DLC1: variants seen among roughly 807,000 people sequenced by gnomAD.
The protein encoded by DLC1 is DLC1 Rho GTPase activating protein.
Under a neutral mutation model 140.3 loss-of-function variants are expected in DLC1, and 54 were observed. The observed-to-expected ratio is 0.38, with a 90% CI of 0.31 to 0.48. The LOEUF (loss-of-function observed/expected upper bound fraction) is 0.48, where lower values mean the gene tolerates loss of function less well. DLC1 is among the 20% of genes least tolerant of loss of function. DLC1 has a pLI of 0.96. For missense variants in DLC1, 2,536 were observed against 1,907.0 expected, an observed-to-expected ratio of 1.33 and a Z score of -6.14; for synonymous variants, 986 against 728.1, an observed-to-expected ratio of 1.35 and a Z score of -5.70.
At chr8:13,489,166 C>T (rs1563391298) in intron 2 of DLC1, among the ~76,000 whole-genome samples, 2 of 151,936 alleles carry the variant, frequency 1.3e-5, no homozygotes, top group South Asian at 2.1e-4. Flanking sequence ...AGACCGGTGT[C>T]GAACTCCTGA....
At chr8:13,196,175 TA>T (rs1827043052) in intron 5 of DLC1, among the ~76,000 whole-genome samples, 1 of 151,836 alleles carries the variant, frequency 6.6e-6, no homozygotes, top group Non-Finnish European at 1.5e-5. Context: ...TATCTCTGAT[TA>T]GGGGAAGGAG....
chr8:13,305,189 A>G (rs1348239484), intron 5 of DLC1, 80 bp downstream of exon 5: 12 of 1,556,704 alleles, frequency 7.7e-6, no homozygotes, highest in Non-Finnish European at 1.0e-5. Context: ...CATTTTATAT[A>G]TTTAATAAAA....
chr8:13,137,347 G>A (rs1170121562), intron 5 of DLC1, among the ~76,000 whole-genome samples: 1 of 152,104 alleles, frequency 6.6e-6, no homozygotes, highest in African/African-American at 2.4e-5. Flanking sequence ...GTGAGATTTT[G>A]GTTTGAGATG....
intron 5 of DLC1, among the ~76,000 whole-genome samples, chr8:13,254,709 A>G (rs933764974): frequency 3.3e-5 from 5 of 151,852 alleles, no homozygotes; most frequent in African/African-American, 4.8e-5. Flanking sequence ...TAAAAAAAGG[A>G]TATCTGAGAG....
intron 4 of DLC1, among the ~76,000 whole-genome samples, chr8:13,379,346 C>G (rs1247069924): frequency 2.6e-5 from 4 of 152,060 alleles, no homozygotes; most frequent in Non-Finnish European, 4.4e-5. Flanking sequence ...CCAATGAATC[C>G]ATTGTAAGTT....
chr8:13,451,624 C>G (rs1253675170), intron 2 of DLC1, among the ~76,000 whole-genome samples: 1 of 152,126 alleles, frequency 6.6e-6, no homozygotes, highest in African/African-American at 2.4e-5. Context: ...TAATGCTTGT[C>G]TTTCTGTGCC....
intron 5 of DLC1, among the ~76,000 whole-genome samples, chr8:13,285,615 C>T (rs1405038144): frequency 1.3e-5 from 2 of 152,026 alleles, no homozygotes; most frequent in Admixed American, 6.6e-5. Flanking sequence ...TATGGAGATA[C>T]CATCACATAC....
At chr8:13,474,496 A>T (rs1337925228) in intron 2 of DLC1, among the ~76,000 whole-genome samples, 4 of 152,164 alleles carry the variant, frequency 2.6e-5, no homozygotes, top group African/African-American at 9.7e-5. Flanking sequence ...GAGCTGTGAG[A>T]AAAGGGCCAC....
At chr8:13,266,655 G>A (rs1830699258) in intron 5 of DLC1, among the ~76,000 whole-genome samples, 1 of 152,124 alleles carries the variant, frequency 6.6e-6, no homozygotes, top group Non-Finnish European at 1.5e-5. Flanking sequence ...TGAGGCACAA[G>A]AATCACTTGA....
intron 5 of DLC1, among the ~76,000 whole-genome samples, chr8:13,236,693 T>C (rs1439411811): frequency 6.6e-6 from 1 of 152,090 alleles, no homozygotes; most frequent in Non-Finnish European, 1.5e-5. Context: ...AAAAAATAAA[T>C]TAGGGCCATT....
intron 5 of DLC1, among the ~76,000 whole-genome samples, chr8:13,304,392 G>T (rs956715447): frequency 1.1e-4 from 16 of 152,088 alleles, no homozygotes; most frequent in Non-Finnish European, 2.4e-4. Flanking sequence ...GAAAAGTTTA[G>T]CTCACAGAAG....
At position 13,083,984 on chromosome 8, in the gene DLC1, G is replaced by C. The variant is rs1047183875; in HGVS notation, c.*1827C>G. The C allele has an allele frequency of 6.6e-6, 1 of 152,534 alleles. No homozygotes were observed. The highest frequency in any genetic ancestry group is 2.4e-5 in the African/African-American group (1 of 41,430). 9.4% of individuals were successfully genotyped at this position (152,534 alleles called of 1,614,324 possible). A position where few individuals can be genotyped will look rare whatever the true frequency, so the allele number is the denominator to read the frequency against. The stretch of plus-strand genomic sequence containing the variant: ...TATAATCTGTACAGATATAGAGCAA[G>C]TTATAAACCTCTTCCTTTTATTTAT... On this transcript the variant is annotated 3_prime_UTR_variant, in exon 18 of 18. Transcript: ENST00000276297.
intron 1 of DLC1, among the ~76,000 whole-genome samples, chr8:13,532,074 A>T (rs1050946221): frequency 6.6e-6 from 1 of 152,238 alleles, no homozygotes; most frequent in African/African-American, 2.4e-5. Context: ...CTTTGAATTT[A>T]TTAAGGCTAG....
chr8:13,274,456 C>T lies in DLC1; in HGVS notation c.1348+30813G>A, dbSNP rs1044571740. 1.1e-4 allele frequency among the ~76,000 whole-genome samples: 16 copies of T among 152,136 alleles called. 1 individual carries two copies. Among genetic ancestry groups the T allele is most frequent in the Non-Finnish European group, 2.2e-4 (15 of 68,030 alleles). ...ATAAAGAATTATTTCCCGCAATGGA[C>T]CTAGAGCAGTAAAAATCCTATTTGC... On this transcript the variant is annotated intron_variant, in intron 5 of 17. Transcript: ENST00000276297.
chr8:13,435,105 A>G (rs1280272592), intron 2 of DLC1, among the ~76,000 whole-genome samples: 1 of 152,202 alleles, frequency 6.6e-6, no homozygotes. Flanking sequence ...TCTAGATACC[A>G]CTAAGAGAAT....
intron 4 of DLC1, among the ~76,000 whole-genome samples, chr8:13,371,357 A>G (rs908424802): frequency 6.6e-6 from 1 of 152,086 alleles, no homozygotes; most frequent in Non-Finnish European, 1.5e-5. Context: ...TCCAAAATGC[A>G]CATATGTTTT....
intron 4 of DLC1, chr8:13,339,609 A>G (rs1240363444): frequency 6.6e-6 from 1 of 152,136 alleles, no homozygotes; most frequent in Non-Finnish European, 1.5e-5. Context: ...AAATAAGGAG[A>G]GTAGGTGGCT....
chr8:13,227,962 T>C (rs1221739679), intron 5 of DLC1, among the ~76,000 whole-genome samples: 3 of 152,324 alleles, frequency 2.0e-5, no homozygotes, highest in African/African-American at 4.8e-5. Flanking sequence ...GATAGTCTAC[T>C]GAATGTCTTT....
At chr8:13,145,658 A>G (rs13271701) in intron 5 of DLC1, among the ~76,000 whole-genome samples, 51,967 of 152,030 alleles carry the variant, frequency 0.34, 10,153 homozygotes, top group East Asian at 0.54. Flanking sequence ...TAAAAATTGT[A>G]TATTTTCACA....
Sources: allele counts gnomAD v4.1 joint callset (sites outside exome capture counted in the v4.1 genomes callset), GRCh38; gene constraint gnomAD v4.1.1; transcripts MANE v1.5; gene names NCBI Gene and HGNC (gene_info 2026-07-23, HGNC 2026-07-21).